The following INSL6 variants were observed in gnomAD, a reference collection of about 807,000 sequenced individuals.
The protein encoded by INSL6 is insulin-like peptide INSL6.
A neutral mutation model predicts 9.4 loss-of-function variants in INSL6; 16 were observed. The observed-to-expected ratio is 1.70, with a 90% confidence interval of 1.15 to 2.59. INSL6 has a LOEUF of 2.59. INSL6 is among the 30% of genes most tolerant of loss of function. The pLI is 0.00. For synonymous variants in INSL6, 154 were observed against 96.9 expected (o/e 1.59, Z -3.46); for missense variants, 391 against 257.3 (o/e 1.52, Z -3.56).
At chr9:5,134,034 A>C (rs1824342036) in intron 2 of INSL6, among the ~76,000 whole-genome samples, 1 of 152,188 alleles carries the variant, frequency 6.6e-6, no homozygotes, top group Non-Finnish European at 1.5e-5. Flanking sequence ...CAGCACGAGA[A>C]CTTCATGAAG....
At chr9:5,007,512 G>A in the INSL6 span, among the ~76,000 whole-genome samples, 4 of 152,028 alleles carry the variant, frequency 2.6e-5, no homozygotes, top group East Asian at 1.9e-4. Context: ...CAATGCATAC[G>A]TGAGTTTTTT....
the INSL6 span, among the ~76,000 whole-genome samples, chr9:4,997,922 T>G: frequency 6.6e-6 from 1 of 152,210 alleles, no homozygotes; most frequent in Non-Finnish European, 1.5e-5. Flanking sequence ...TGCTTAATTT[T>G]TTTTTAATCT....
rs560871698 is a variant in INSL6, at chr9:5,164,705, C to T, written c.290-440G>A. Among the ~76,000 whole-genome samples the T allele has an allele frequency of 4.1e-4, 62 of 152,276 alleles. No homozygotes were observed. In the South Asian group the frequency reaches 6.0e-3, roughly 15 times the overall value. ...TCTGTTTCTATGGATTTGCCTATTCCGTATATTTCATATAAATGAAAGCAT... is the reference window on the plus strand; with the variant it reads ...TCTGTTTCTATGGATTTGCCTATTCTGTATATTTCATATAAATGAAAGCAT... On this transcript the variant is annotated intron_variant, in intron 1 of 1. Coordinates refer to ENST00000381641, the MANE Select transcript of INSL6 (RefSeq NM_007179.3).
chr9:5,089,939 C>G, the INSL6 span: 1 of 1,014,388 alleles, frequency 9.9e-7, no homozygotes, highest in Non-Finnish European at 1.3e-6. Context: ...TGTACAATGT[C>G]TTAACGATCT....
At chr9:5,115,805 G>T in the INSL6 span, among the ~76,000 whole-genome samples, 2 of 152,226 alleles carry the variant, frequency 1.3e-5, no homozygotes, top group East Asian at 3.9e-4. Flanking sequence ...GCAAACACAG[G>T]AACAGAAAAC....
At chr9:5,112,824 C>G in the INSL6 span, 1 of 555,994 alleles carries the variant, frequency 1.8e-6, no homozygotes, top group Non-Finnish European at 2.9e-6. Flanking sequence ...TTGAGTGAAG[C>G]CCACAACCCC....
At chr9:5,037,430 C>G in the INSL6 span, among the ~76,000 whole-genome samples, 2 of 152,300 alleles carry the variant, frequency 1.3e-5, no homozygotes, top group Admixed American at 1.3e-4. Flanking sequence ...CGGCACTATT[C>G]ACAATAACAA....
the INSL6 span, chr9:5,112,968 T>A: frequency 5.0e-6 from 1 of 198,484 alleles, no homozygotes; most frequent in East Asian, 1.1e-4. Context: ...TTGTCAGCAT[T>A]GAGCCAACAC....
chr9:5,011,536 A>G, the INSL6 span, among the ~76,000 whole-genome samples: 3 of 152,200 alleles, frequency 2.0e-5, no homozygotes, highest in Non-Finnish European at 4.4e-5. Flanking sequence ...CTTTATCTTC[A>G]TGCATTATAT....
At chr9:5,081,472 C>T in the INSL6 span, among the ~76,000 whole-genome samples, 2 of 152,204 alleles carry the variant, frequency 1.3e-5, no homozygotes, top group African/African-American at 4.8e-5. Flanking sequence ...AGTATATTAC[C>T]TTACTTTATG....
At chr9:5,180,050 T>C (rs1454736688) in intron 1 of INSL6, among the ~76,000 whole-genome samples, 1 of 152,174 alleles carries the variant, frequency 6.6e-6, no homozygotes, top group African/African-American at 2.4e-5. Flanking sequence ...AGTGTATATA[T>C]TCTGTTGTGG....
chr9:5,140,301 C>T (rs1824471550), intron 2 of INSL6, among the ~76,000 whole-genome samples: 1 of 152,028 alleles, frequency 6.6e-6, no homozygotes, highest in African/African-American at 2.4e-5. Context: ...ATATTTTCTC[C>T]AAAAAGCAGC....
the INSL6 span, chr9:5,100,858 A>G: frequency 6.6e-6 from 1 of 152,264 alleles, no homozygotes; most frequent in Non-Finnish European, 1.5e-5. Flanking sequence ...ATTTCATGTT[A>G]TTACTGGATC....
the INSL6 span, among the ~76,000 whole-genome samples, chr9:5,016,620 C>G: frequency 1.3e-5 from 2 of 152,104 alleles, no homozygotes; most frequent in African/African-American, 4.8e-5. Flanking sequence ...CACAGCTTAA[C>G]AAATTTTCAT....
chr9:5,057,681 C>T, the INSL6 span, among the ~76,000 whole-genome samples: 1,783 of 148,956 alleles, frequency 0.012, 19 homozygotes, highest in Non-Finnish European at 0.019. Flanking sequence ...CTCCTGGGTT[C>T]AAGCAATTTT....
At chr9:5,118,119 C>A in the INSL6 span, among the ~76,000 whole-genome samples, 1 of 152,174 alleles carries the variant, frequency 6.6e-6, no homozygotes, top group South Asian at 2.1e-4. Flanking sequence ...GGAGACCTCG[C>A]CACTGCACTC....
chr9:5,008,008 C>T, the INSL6 span, among the ~76,000 whole-genome samples: 1 of 152,122 alleles, frequency 6.6e-6, no homozygotes, highest in Non-Finnish European at 1.5e-5. Flanking sequence ...GGATTACAGG[C>T]ATGAGCCACC....
At chr9:5,093,596 C>T in the INSL6 span, among the ~76,000 whole-genome samples, 2 of 152,148 alleles carry the variant, frequency 1.3e-5, no homozygotes, top group African/African-American at 2.4e-5. Context: ...AACCTACTAT[C>T]TCTGCATTAA....
chr9:5,051,868 G>A, the INSL6 span, among the ~76,000 whole-genome samples: 1 of 151,590 alleles, frequency 6.6e-6, no homozygotes, highest in Non-Finnish European at 1.5e-5. Context: ...AAATATTCTT[G>A]TTTTACTTTC....
Sources: allele counts gnomAD v4.1 joint callset (sites outside exome capture counted in the v4.1 genomes callset), GRCh38; gene constraint gnomAD v4.1.1; transcripts MANE v1.5; gene names NCBI Gene and HGNC (gene_info 2026-07-23, HGNC 2026-07-21).